CHD9: variants seen among roughly 807,000 people sequenced by gnomAD.
CHD9 encodes chromodomain helicase DNA binding protein 9.
A neutral mutation model predicts 316.1 loss-of-function variants in CHD9; 77 were observed. That is an observed-to-expected ratio of 0.24 (90% CI 0.20 to 0.29). The LOEUF (loss-of-function observed/expected upper bound fraction) is 0.29. Ranked by LOEUF, CHD9 falls within the 10% of genes least tolerant of loss-of-function variation. CHD9 has a pLI of 1.00. For synonymous variants in CHD9, 1,129 were observed against 1,158.3 expected, an observed-to-expected ratio of 0.97 and a Z score of 0.51; for missense variants, 2,763 against 3,438.1, an observed-to-expected ratio of 0.80 and a Z score of 4.91.
At chr16:53,255,066 T>G (rs143317227) in intron 18 of CHD9, among the ~76,000 whole-genome samples, 91 of 152,240 alleles carry the variant, frequency 6.0e-4, no homozygotes, top group African/African-American at 2.1e-3. Flanking sequence ...ATCTCAGCAC[T>G]TTGGGACGCT....
intron 36 of CHD9, among the ~76,000 whole-genome samples, chr16:53,315,802 T>G (rs2056839127): frequency 6.6e-6 from 1 of 152,092 alleles, no homozygotes; most frequent in Non-Finnish European, 1.5e-5. Context: ...TAAATGAAAT[T>G]AAAACACCAA....
intron 25 of CHD9, 65 bp downstream of exon 25, chr16:53,285,764 T>A (rs1384520506): frequency 6.2e-6 from 5 of 805,440 alleles, no homozygotes; most frequent in Non-Finnish European, 1.0e-5. Flanking sequence ...CAGTTCTCAG[T>A]TCATTGATTT....
intron 3 of CHD9, among the ~76,000 whole-genome samples, chr16:53,221,705 G>T (rs1302284105): frequency 6.6e-6 from 1 of 151,928 alleles, no homozygotes; most frequent in African/African-American, 2.4e-5. Flanking sequence ...ACATGCTTTA[G>T]GAATATAAAA....
intron 1 of CHD9, among the ~76,000 whole-genome samples, chr16:53,088,124 G>T (rs2035622545): frequency 6.6e-6 from 1 of 151,874 alleles, no homozygotes; most frequent in Non-Finnish European, 1.5e-5. Flanking sequence ...TTTAGTCTTG[G>T]GTTAATGTAA....
At chr16:53,087,896 C>T (rs904767239) in intron 1 of CHD9, among the ~76,000 whole-genome samples, 2 of 151,104 alleles carry the variant, frequency 1.3e-5, no homozygotes, top group East Asian at 1.9e-4. Context: ...TGCAGTGAGC[C>T]GAGATCATGC....
Position 53,324,274 on chromosome 16 carries a change from G to T in CHD9, c.8073G>T (p.Leu2691Phe). The T allele has an allele frequency of 6.2e-7, 1 of 1,614,010 alleles. No individual in the cohort carries two copies. Among genetic ancestry groups the T allele is most frequent in the Non-Finnish European group, 8.5e-7 (1 of 1,179,884 alleles). Residue 2691 changes from leucine to phenylalanine, a missense_variant, in exon 39 of 39, where the codon TTG (leucine) becomes TTT (phenylalanine). Transcript: ENST00000447540. ...AGTCACTGCAAGTAACTGCTGGGTT[G>T]ATGGGAATGCCTACCGGCCTTCCTT... The part of the protein sequence containing the change: ...NLQSLQVTAG[L>F]MGMPTGLPSG...
At chr16:53,055,494 G>GCC (rs3884211) in intron 1 of CHD9, among the ~76,000 whole-genome samples, 4,425 of 145,750 alleles carry the variant, frequency 0.03, 227 homozygotes, top group African/African-American at 0.095. Context: ...TTCCACCCCC[G>GCC]CCCCCCCCCA....
intron 38 of CHD9, among the ~76,000 whole-genome samples, chr16:53,322,084 G>A (rs567570362): frequency 1.6e-4 from 23 of 147,804 alleles, no homozygotes; most frequent in African/African-American, 5.2e-4. Context: ...TGCAACCTTC[G>A]CCTCCTGGGT....
intron 3 of CHD9, among the ~76,000 whole-genome samples, chr16:53,216,627 A>G (rs1449134802): frequency 1.3e-5 from 2 of 152,164 alleles, no homozygotes; most frequent in East Asian, 1.9e-4. Context: ...CTCAGAATCA[A>G]CTGAGGTACT....
At chr16:53,102,942 T>C in intron 1 of CHD9, among the ~76,000 whole-genome samples, 1 of 151,896 alleles carries the variant, frequency 6.6e-6, no homozygotes, top group East Asian at 2.0e-4. Flanking sequence ...GCCTCCCGGG[T>C]TCACGCCATT....
intron 36 of CHD9, among the ~76,000 whole-genome samples, chr16:53,316,320 G>T (rs1157386931): frequency 6.6e-6 from 1 of 152,058 alleles, no homozygotes; most frequent in Non-Finnish European, 1.5e-5. Context: ...TTTATTGAGG[G>T]ATTACTATGT....
chr16:53,057,330 T>C (rs1170274939), intron 1 of CHD9, among the ~76,000 whole-genome samples: 1 of 148,630 alleles, frequency 6.7e-6, no homozygotes, highest in Non-Finnish European at 1.5e-5. Context: ...CTGGACAGCA[T>C]AGAGAGACCT....
chr16:53,171,544 G>A (rs746840064), intron 2 of CHD9, among the ~76,000 whole-genome samples: 4 of 152,014 alleles, frequency 2.6e-5, no homozygotes, highest in Non-Finnish European at 5.9e-5. Context: ...AAGTATTCAG[G>A]AAACAGTTTA....
At chr16:53,144,715 G>A (rs181234279) in intron 1 of CHD9, among the ~76,000 whole-genome samples, 14 of 151,964 alleles carry the variant, frequency 9.2e-5, no homozygotes, top group African/African-American at 2.4e-4. Context: ...TAGTAGAGAC[G>A]GGGTTTCATT....
chr16:53,094,242 A>G (rs2036194614), intron 1 of CHD9, among the ~76,000 whole-genome samples: 1 of 152,176 alleles, frequency 6.6e-6, no homozygotes, highest in African/African-American at 2.4e-5. Flanking sequence ...AAGATTTCCT[A>G]TATACACCCA....
chr16:53,184,990 CTG>C (rs1438419656), intron 2 of CHD9, among the ~76,000 whole-genome samples: 1 of 152,216 alleles, frequency 6.6e-6, no homozygotes, highest in Non-Finnish European at 1.5e-5. Context: ...CTCTCCGAAA[CTG>C]TGAGTCAACT....
At chr16:53,071,997 C>A (rs1309043177) in intron 1 of CHD9, among the ~76,000 whole-genome samples, 12 of 152,146 alleles carry the variant, frequency 7.9e-5, no homozygotes. Flanking sequence ...TTTTTCTGGC[C>A]TCTGGGGATA....
chr16:53,249,265 A>G (rs2049936055), intron 16 of CHD9, among the ~76,000 whole-genome samples: 1 of 152,318 alleles, frequency 6.6e-6, no homozygotes, highest in East Asian at 1.9e-4. Flanking sequence ...TGTCATATGT[A>G]TACCACTTAG....
At chr16:53,162,845 C>T (rs1207815372) in intron 2 of CHD9, among the ~76,000 whole-genome samples, 28 of 143,024 alleles carry the variant, frequency 2.0e-4, no homozygotes, top group South Asian at 6.6e-4. Context: ...TGCAGTGGGG[C>T]GTGATCATGG....
Sources: gnomAD v4.1 joint callset for allele counts (sites outside exome capture counted in the v4.1 genomes callset) on GRCh38, gnomAD v4.1.1 for gene constraint, MANE v1.5 for transcripts, NCBI Gene and HGNC (gene_info 2026-07-23, HGNC 2026-07-21) for gene names.